Variants in UBE2F observed in about 807,000 individuals in gnomAD.
UBE2F encodes the protein NEDD8-conjugating enzyme UBE2F.
Under a neutral mutation model 29.6 loss-of-function variants are expected in UBE2F, and 5 were observed. The ratio of observed to expected loss-of-function variants is 0.17; its 90% CI spans 0.09 to 0.36. UBE2F has a LOEUF of 0.36. Ranked by LOEUF, UBE2F falls within the 10% of genes least tolerant of loss-of-function variation. The pLI is 1.00. For synonymous variants in UBE2F, 66 were observed against 81.8 expected, an observed-to-expected ratio of 0.81 and a Z score of 1.04; for missense variants, 141 against 228.5, an observed-to-expected ratio of 0.62 and a Z score of 2.47.
At chr2:238,025,186 A>G (rs1320524014) in intron 5 of UBE2F, 156 bp from the exon 6 acceptor site, 2 of 653,280 alleles carry the variant, frequency 3.1e-6, no homozygotes, top group Non-Finnish European at 5.6e-6. Context: ...GAGGTGAGCC[A>G]GTATTCAGGG....
intron 2 of UBE2F, chr2:237,973,767 T>G: frequency 8.6e-7 from 1 of 1,160,708 alleles, no homozygotes; most frequent in Admixed American, 2.9e-5. Flanking sequence ...AACTTTATCC[T>G]TGGAGAAGGG....
intron 4 of UBE2F, among the ~76,000 whole-genome samples, chr2:237,996,774 C>G (rs1454121697): frequency 6.6e-6 from 1 of 152,118 alleles, no homozygotes; most frequent in Admixed American, 6.5e-5. Flanking sequence ...CTGCGCCCAG[C>G]CCCCCTTATT....
intron 2 of UBE2F, among the ~76,000 whole-genome samples, chr2:237,984,107 T>A (rs1331577095): frequency 6.6e-6 from 1 of 150,620 alleles, no homozygotes; most frequent in Non-Finnish European, 1.5e-5. Flanking sequence ...TCTTTGTCTC[T>A]CGTGGCTTTC....
chr2:237,991,609 C>CTTTTTTTTTTTTTTTTTTTTTTTTT (rs774476848), intron 3 of UBE2F, among the ~76,000 whole-genome samples: 4 of 53,052 alleles, frequency 7.5e-5, no homozygotes, highest in East Asian at 9.0e-4. Flanking sequence ...TTCTTTCTTT[C>CTTTTTTTTTTTTTTTTTTTTTTTTT]TTTTTTTTTT....
At chr2:237,984,804 G>GA (rs1356738533) in intron 2 of UBE2F, among the ~76,000 whole-genome samples, 1 of 152,054 alleles carries the variant, frequency 6.6e-6, no homozygotes, top group Admixed American at 6.5e-5. Context: ...TTTTGAGACA[G>GA]GGTCTCACTT....
chr2:238,030,688 A>T, intron 7 of UBE2F, 75 bp downstream of exon 7: 1 of 1,115,440 alleles, frequency 9.0e-7, no homozygotes, highest in Non-Finnish European at 1.4e-6. Flanking sequence ...CCTCCCGAGA[A>T]AGCAGCACAT....
chr2:237,968,959 C>A, intron 1 of UBE2F: 2 of 518,180 alleles, frequency 3.9e-6, no homozygotes, highest in Non-Finnish European at 5.0e-6. Flanking sequence ...TTGATAGAAT[C>A]CTTTGGTTTA....
At chr2:237,995,919 T>C (rs1313446281) in intron 4 of UBE2F, among the ~76,000 whole-genome samples, 2 of 152,220 alleles carry the variant, frequency 1.3e-5, no homozygotes, top group African/African-American at 4.8e-5. Flanking sequence ...TATGTATATA[T>C]TTTTCTTTTC....
At chr2:238,024,409 G>A (rs748294962) in intron 5 of UBE2F, among the ~76,000 whole-genome samples, 6 of 152,080 alleles carry the variant, frequency 3.9e-5, no homozygotes, top group African/African-American at 1.2e-4. Flanking sequence ...ACAATGGTGC[G>A]ATCATAGCTC....
chr2:237,973,164 G>A lies in UBE2F; in HGVS notation c.57G>A (p.Thr19=), dbSNP rs145325109. ...ACGATGGTCTCAAAGGGTCCCGGAC[G>A]GCAGCCACAGCGTCCGACTCGACTC... ...KRDDGLKGSR[T]AATASDSTRR... Residue 19 remains threonine, a synonymous_variant, in exon 2 of 10, where the codon ACG becomes ACA. Coordinates refer to ENST00000272930, the MANE Select transcript of UBE2F (RefSeq NM_080678.3). The A allele has an allele frequency of 2.7e-5, 44 of 1,613,942 alleles. No homozygotes were observed. Among genetic ancestry groups the A allele is most frequent in the South Asian group, 2.2e-4 (20 of 91,082 alleles).
chr2:238,018,973 T>G lies in UBE2F; in HGVS notation c.282+2340T>G, dbSNP rs73096368. On this transcript the variant is annotated intron_variant, in intron 5 of 9. Coordinates refer to ENST00000272930, the MANE Select transcript of UBE2F (RefSeq NM_080678.3). ...ACTGAGCCTTGAAGACTTGTTTCCC[T>G]TATTAGTTTCCCTTATTAGTTTGAG... Among the ~76,000 whole-genome samples the G allele has an allele frequency of 1.7e-3, 252 of 152,244 alleles. 2 individuals are homozygous for G. The highest frequency in any genetic ancestry group is 5.8e-3 in the African/African-American group (241 of 41,532).
chr2:237,994,754 A>G lies in UBE2F; in HGVS notation c.159A>G (p.Lys53=). Residue 53 remains lysine, a synonymous_variant, in exon 4 of 10, where the codon AAA becomes AAG. Transcript: ENST00000272930. ...CTGTTTCTTTTGCAGGTACATGTAAAGTGCATTTTCCTGATCCAAACAAGC... is the reference window on the plus strand; with the variant it reads ...CTGTTTCTTTTGCAGGTACATGTAAGGTGCATTTTCCTGATCCAAACAAGC... The part of the protein sequence containing the change: ...ELEANLPCTC[K]VHFPDPNKLH... 1 of 1,614,094 alleles carries G rather than the reference A, an allele frequency of 6.2e-7. No homozygotes were observed. The highest frequency in any genetic ancestry group is 8.5e-7 in the Non-Finnish European group (1 of 1,179,956).
chr2:238,031,747 A>C (rs1440146482), intron 7 of UBE2F, among the ~76,000 whole-genome samples: 1 of 152,256 alleles, frequency 6.6e-6, no homozygotes, highest in Non-Finnish European at 1.5e-5. Context: ...GATTCTTTAA[A>C]TAACTAATGC....
intron 6 of UBE2F, chr2:238,029,024 A>G (rs892249591): frequency 1.3e-5 from 2 of 152,070 alleles, no homozygotes; most frequent in Non-Finnish European, 2.9e-5. Context: ...TCTTCTCTGT[A>G]TCATCCCAAT....
At position 238,041,662 on chromosome 2, in the gene UBE2F, AG is replaced by A. The variant is rs2064838960; in HGVS notation, c.*325del. On this transcript the variant is annotated 3_prime_UTR_variant, in exon 10 of 10. Coordinates refer to ENST00000272930, the MANE Select transcript of UBE2F (RefSeq NM_080678.3). ...TTGTAATGAACTCAAAATTGAGGCC[AG>A]AGCTTGCTTTCCCTTTTCCCAAACA... is the stretch of plus-strand genomic sequence containing the variant. 1 of 219,584 alleles carries A rather than the reference AG, an allele frequency of 4.6e-6. No individual in the cohort carries two copies. Among genetic ancestry groups the A allele is most frequent in the African/African-American group, 2.3e-5 (1 of 43,788 alleles). The allele number at this position is 219,584 out of a possible 1,614,324, so 13.6% of individuals were successfully genotyped here.
intron 4 of UBE2F, among the ~76,000 whole-genome samples, chr2:238,002,526 T>C (rs1456552165): frequency 1.4e-5 from 2 of 148,066 alleles, no homozygotes; most frequent in Non-Finnish European, 3.0e-5. Context: ...CATGAGCCGC[T>C]GCACCTGGCC....
chr2:238,030,504 C>T, intron 6 of UBE2F, 52 bp from the exon 7 acceptor site: 2 of 1,388,936 alleles, frequency 1.4e-6, no homozygotes, highest in Non-Finnish European at 2.0e-6. Flanking sequence ...TGGCAGCGTG[C>T]AGGGCACCTG....
At chr2:238,034,377 G>A (rs1056773279) in intron 8 of UBE2F, among the ~76,000 whole-genome samples, 2 of 151,888 alleles carry the variant, frequency 1.3e-5, no homozygotes, top group African/African-American at 2.4e-5. Flanking sequence ...GCAGTGAGCC[G>A]AGATCACGCC....
At position 237,984,278 on chromosome 2, in the gene UBE2F, C is replaced by T. The variant is rs576784612; in HGVS notation, c.119-3685C>T. ...GCCCATCTCTTAGGTCACTGGCCTC[C>T]ACTTTGCCCTTTCTAAGATTGTCCT... is the stretch of plus-strand genomic sequence containing the variant. On this transcript the variant is annotated intron_variant, in intron 2 of 9. Transcript: ENST00000272930. Among the ~76,000 whole-genome samples the T allele has an allele frequency of 1.3e-4, 20 of 152,332 alleles. No individual in the cohort carries two copies. The South Asian group carries it at 1.4e-3, about 11-fold the overall frequency.
Sources: gnomAD v4.1 joint callset for allele counts (sites outside exome capture counted in the v4.1 genomes callset) on GRCh38, gnomAD v4.1.1 for gene constraint, MANE v1.5 for transcripts, NCBI Gene and HGNC (gene_info 2026-07-23, HGNC 2026-07-21) for gene names.